Variants in SLC44A5 observed in about 807,000 individuals in gnomAD.
SLC44A5 encodes the protein solute carrier family 44 member 5.
In SLC44A5, 57 loss-of-function variants were observed where a neutral mutation model predicts 101.8. The observed-to-expected ratio is 0.56, with a 90% CI of 0.45 to 0.70. SLC44A5 has a LOEUF of 0.70. Ranked by LOEUF, SLC44A5 falls within the 30% of genes least tolerant of loss-of-function variation. SLC44A5 has a pLI of 0.00. For synonymous variants in SLC44A5, 281 were observed against 290.9 expected (o/e 0.97, Z 0.35); for missense variants, 737 against 853.1 (o/e 0.86, Z 1.70).
chr1:75,251,105 C>A, intron 7 of SLC44A5, 105 bp downstream of exon 7: 5 of 829,402 alleles, frequency 6.0e-6, no homozygotes, highest in Non-Finnish European at 8.0e-6. Flanking sequence ...TAATGAACCC[C>A]CTGCCCACGC....
chr1:75,249,051 T>C (rs761461026), intron 7 of SLC44A5, among the ~76,000 whole-genome samples: 2 of 151,938 alleles, frequency 1.3e-5, no homozygotes, highest in African/African-American at 2.4e-5. Context: ...ATCAGAGAAA[T>C]TGAGATTACA....
At chr1:75,387,774 C>T (rs1165393338) in intron 3 of SLC44A5, among the ~76,000 whole-genome samples, 2 of 87,764 alleles carry the variant, frequency 2.3e-5, no homozygotes, top group African/African-American at 4.9e-5. Context: ...ATGTTTATTG[C>T]GGCATTATTC....
At chr1:75,345,508 C>T (rs925841309) in intron 3 of SLC44A5, among the ~76,000 whole-genome samples, 3 of 152,066 alleles carry the variant, frequency 2.0e-5, no homozygotes, top group East Asian at 1.9e-4. Flanking sequence ...ATAACTAAAG[C>T]GATCAGTGTA....
At chr1:75,583,490 A>G (rs780447661) in intron 1 of SLC44A5, among the ~76,000 whole-genome samples, 3 of 152,188 alleles carry the variant, frequency 2.0e-5, no homozygotes, top group Non-Finnish European at 4.4e-5. Flanking sequence ...CTCTTGACTC[A>G]CAGGAAGTAC....
At chr1:75,613,918 T>A (rs778853287), upstream of SLC44A5, among the ~76,000 whole-genome samples, 1 of 152,264 alleles carries the variant, frequency 6.6e-6, no homozygotes, top group Non-Finnish European at 1.5e-5. Context: ...AATCTAATTG[T>A]ATCTTTTTGT....
chr1:75,701,412 A>G, the SLC44A5 span, among the ~76,000 whole-genome samples: 2 of 152,208 alleles, frequency 1.3e-5, no homozygotes, highest in Non-Finnish European at 2.9e-5. Flanking sequence ...AAACCATATG[A>G]TTATCTCAAT....
the SLC44A5 span, among the ~76,000 whole-genome samples, chr1:75,708,328 C>T: frequency 7.1e-6 from 1 of 140,722 alleles, no homozygotes; most frequent in Non-Finnish European, 1.5e-5. Context: ...ACAGGAGAAT[C>T]GCTTGAACCC....
At chr1:75,289,501 C>T (rs1263036620) in intron 5 of SLC44A5, among the ~76,000 whole-genome samples, 1 of 152,158 alleles carries the variant, frequency 6.6e-6, no homozygotes, top group East Asian at 1.9e-4. Context: ...CAGAAGTACT[C>T]CATTCCCAAT....
the SLC44A5 span, among the ~76,000 whole-genome samples, chr1:75,700,684 C>T: frequency 1.3e-5 from 2 of 152,022 alleles, no homozygotes; most frequent in Non-Finnish European, 2.9e-5. Context: ...AATAGAGACA[C>T]AAAAAACCCT....
At chr1:75,409,635 TTTA>T (rs1371529670) in intron 2 of SLC44A5, among the ~76,000 whole-genome samples, 2 of 152,192 alleles carry the variant, frequency 1.3e-5, no homozygotes, top group Non-Finnish European at 2.9e-5. Flanking sequence ...TATTTAATTG[TTTA>T]TTATTTAAAA....
intron 7 of SLC44A5, among the ~76,000 whole-genome samples, chr1:75,245,789 C>A (rs1649053587): frequency 6.6e-6 from 1 of 152,102 alleles, no homozygotes; most frequent in Admixed American, 6.6e-5. Flanking sequence ...AAAAACAATA[C>A]AACTGCACTT....
chr1:75,225,137 A>G (rs1390305389), intron 13 of SLC44A5, among the ~76,000 whole-genome samples: 1 of 152,192 alleles, frequency 6.6e-6, no homozygotes, highest in African/African-American at 2.4e-5. Flanking sequence ...CCACACGGGT[A>G]CCATTTTAAA....
At chr1:75,371,233 T>C (rs1660202738) in intron 3 of SLC44A5, among the ~76,000 whole-genome samples, 1 of 152,216 alleles carries the variant, frequency 6.6e-6, no homozygotes, top group East Asian at 1.9e-4. Flanking sequence ...AAACAAGATA[T>C]AAAGTATTTT....
chr1:75,645,859 G>A, the SLC44A5 span, among the ~76,000 whole-genome samples: 5 of 136,188 alleles, frequency 3.7e-5, 1 homozygote, highest in Non-Finnish European at 6.6e-5. Context: ...TGGCTAGCCA[G>A]TATTCCCAAC....
At chr1:75,213,821 TTA>T in intron 21 of SLC44A5, 28 bp from the exon 22 acceptor site, 1 of 1,573,242 alleles carries the variant, frequency 6.4e-7, no homozygotes. Context: ...AACATGTATA[TTA>T]TACTTTTGCA....
chr1:75,642,629 G>A, the SLC44A5 span, among the ~76,000 whole-genome samples: 5,318 of 152,180 alleles, frequency 0.035, 321 homozygotes, highest in African/African-American at 0.12. Context: ...TGTTTTAAGT[G>A]TGCTGACCAT....
At chr1:75,463,336 C>A (rs577534959) in intron 2 of SLC44A5, among the ~76,000 whole-genome samples, 1 of 139,222 alleles carries the variant, frequency 7.2e-6, no homozygotes, top group African/African-American at 2.7e-5. Context: ...AGGAGAATGG[C>A]GTGAACCTGG....
At chr1:75,475,300 G>A (rs988382958) in intron 2 of SLC44A5, among the ~76,000 whole-genome samples, 25 of 152,184 alleles carry the variant, frequency 1.6e-4, no homozygotes, top group African/African-American at 4.1e-4. Context: ...AATTTATTTC[G>A]AAAGAAGGAA....
rs548036170 is a variant in SLC44A5 at position 75,598,868 on chromosome 1, C to A, written c.-70+12172G>T. 6.6e-5 allele frequency among the ~76,000 whole-genome samples: 10 copies of A among 152,214 alleles called. No homozygotes were observed. In the South Asian group the frequency reaches 1.9e-3, roughly 28 times the overall value. On this transcript the variant is annotated intron_variant, in intron 1 of 23. Transcript: ENST00000370859. ...GTGATGAAATAACCTGTACAACAAACCCCCATGACACAAGTTCACCTATGT... is the reference window on the plus strand; with the variant it reads ...GTGATGAAATAACCTGTACAACAAAACCCCATGACACAAGTTCACCTATGT...
Sources: allele counts gnomAD v4.1 joint callset (sites outside exome capture counted in the v4.1 genomes callset), GRCh38; gene constraint gnomAD v4.1.1; transcripts MANE v1.5; gene names NCBI Gene and HGNC (gene_info 2026-07-23, HGNC 2026-07-21).